The following TAFA1 variants were observed in gnomAD, a reference collection of about 807,000 sequenced individuals.
The protein encoded by TAFA1 is chemokine-like protein TAFA-1.
A neutral mutation model predicts 18.5 loss-of-function variants in TAFA1; 4 were observed. The ratio of observed to expected loss-of-function variants is 0.22; its 90% CI spans 0.11 to 0.49. TAFA1 has a LOEUF of 0.49. Ranked by LOEUF, TAFA1 falls within the 20% of genes least tolerant of loss-of-function variation. The pLI is 0.98. For missense variants in TAFA1, 147 were observed against 169.0 expected (o/e 0.87, Z 0.72); for synonymous variants, 56 against 55.2 (o/e 1.01, Z -0.06).
chr3:68,516,418 T>C (rs1472334673), intron 3 of TAFA1, among the ~76,000 whole-genome samples: 2 of 152,196 alleles, frequency 1.3e-5, no homozygotes, highest in Non-Finnish European at 1.5e-5. Flanking sequence ...AATGTTAGCC[T>C]TGGTTTGTAC....
intron 3 of TAFA1, among the ~76,000 whole-genome samples, chr3:68,447,380 C>T (rs2071487707): frequency 6.6e-6 from 1 of 152,164 alleles, no homozygotes; most frequent in Non-Finnish European, 1.5e-5. Context: ...GTTGGCTACT[C>T]CATTCTGTCC....
chr3:68,224,900 T>C (rs2066777867), intron 2 of TAFA1, among the ~76,000 whole-genome samples: 2 of 56,590 alleles, frequency 3.5e-5, no homozygotes, highest in African/African-American at 1.1e-4. Flanking sequence ...GTGGCACTTT[T>C]TTTTTTTTTT....
At chr3:68,346,434 A>C (rs953415414) in intron 2 of TAFA1, among the ~76,000 whole-genome samples, 3 of 152,284 alleles carry the variant, frequency 2.0e-5, no homozygotes, top group Admixed American at 2.0e-4. Flanking sequence ...CTGACATTAC[A>C]GGCAATCTTG....
intron 2 of TAFA1, among the ~76,000 whole-genome samples, chr3:68,223,341 G>A (rs1055491887): frequency 4.6e-5 from 7 of 152,104 alleles, no homozygotes; most frequent in African/African-American, 1.7e-4. Context: ...CACTTACTAT[G>A]TTTCAGATTC....
intron 2 of TAFA1, among the ~76,000 whole-genome samples, chr3:68,053,078 A>AC (rs1240457856): frequency 6.6e-6 from 1 of 152,132 alleles, no homozygotes; most frequent in African/African-American, 2.4e-5. Context: ...AAATCAGATT[A>AC]CCCCTGGAGT....
chr3:68,161,681 A>G (rs958466525), intron 2 of TAFA1, among the ~76,000 whole-genome samples: 4 of 152,240 alleles, frequency 2.6e-5, no homozygotes, highest in African/African-American at 4.8e-5. Flanking sequence ...CTAGACAAGC[A>G]TAGATCTTGA....
At chr3:68,268,929 T>C (rs2067603886) in intron 2 of TAFA1, among the ~76,000 whole-genome samples, 1 of 152,206 alleles carries the variant, frequency 6.6e-6, no homozygotes, top group South Asian at 2.1e-4. Flanking sequence ...CATTACATTC[T>C]GGCATGTAAG....
At chr3:68,150,190 T>C (rs2065788849) in intron 2 of TAFA1, among the ~76,000 whole-genome samples, 1 of 152,242 alleles carries the variant, frequency 6.6e-6, no homozygotes, top group Non-Finnish European at 1.5e-5. Flanking sequence ...TTACCAGTCA[T>C]GTAATTCATT....
chr3:68,437,771 G>A (rs1308334779), intron 3 of TAFA1, among the ~76,000 whole-genome samples: 1 of 151,962 alleles, frequency 6.6e-6, no homozygotes, highest in Non-Finnish European at 1.5e-5. Context: ...AGTTTTGGAG[G>A]GTACAAATTT....
At chr3:68,330,182 G>A (rs1031119608) in intron 2 of TAFA1, among the ~76,000 whole-genome samples, 5 of 152,174 alleles carry the variant, frequency 3.3e-5, no homozygotes, top group Admixed American at 1.3e-4. Context: ...AGGTTACGTC[G>A]TCATAGTTCT....
chr3:68,493,306 C>T (rs928143889), intron 3 of TAFA1, among the ~76,000 whole-genome samples: 6 of 152,058 alleles, frequency 3.9e-5, no homozygotes, highest in South Asian at 2.1e-4. Flanking sequence ...ATCTATGTTG[C>T]GGCATGGGTT....
At chr3:68,021,651 T>TACATAACTA (rs1704692489) in intron 2 of TAFA1, among the ~76,000 whole-genome samples, 1 of 152,168 alleles carries the variant, frequency 6.6e-6, no homozygotes. Context: ...TATTAAGAAT[T>TACATAACTA]ACATAACTAA....
intron 3 of TAFA1, among the ~76,000 whole-genome samples, chr3:68,500,941 A>G (rs1849234): frequency 0.2 from 30,675 of 151,586 alleles, 3,162 homozygotes; most frequent in Middle Eastern, 0.24. Context: ...TGAGGTGAGT[A>G]AATCACTTGA....
chr3:68,021,021 AC>A (rs1704676876), intron 2 of TAFA1, among the ~76,000 whole-genome samples: 1 of 151,816 alleles, frequency 6.6e-6, no homozygotes, highest in Non-Finnish European at 1.5e-5. Context: ...CCCCATCTCT[AC>A]TAAAAATACA....
At chr3:68,388,159 C>T (rs573481416) in intron 2 of TAFA1, among the ~76,000 whole-genome samples, 43 of 152,036 alleles carry the variant, frequency 2.8e-4, no homozygotes, top group South Asian at 1.0e-3. Context: ...GAAATCGTGG[C>T]GGCTGGAGAT....
intron 2 of TAFA1, among the ~76,000 whole-genome samples, chr3:68,222,833 C>T (rs1287418388): frequency 6.6e-6 from 1 of 151,962 alleles, no homozygotes; most frequent in Non-Finnish European, 1.5e-5. Flanking sequence ...CCACTATACC[C>T]AGTTAATTTT....
intron 2 of TAFA1, among the ~76,000 whole-genome samples, chr3:68,155,840 G>A (rs1352130281): frequency 2.0e-5 from 3 of 152,038 alleles, no homozygotes; most frequent in Non-Finnish European, 2.9e-5. Context: ...TAATTGCAGG[G>A]TGTCAAACTT....
At chr3:68,526,448 T>G (rs539777603) in intron 3 of TAFA1, among the ~76,000 whole-genome samples, 3 of 152,170 alleles carry the variant, frequency 2.0e-5, no homozygotes, top group Non-Finnish European at 4.4e-5. Context: ...AACACTAGTT[T>G]TGCAAATGAA....
chr3:68,466,431 T>C lies in TAFA1; in HGVS notation c.259+49011T>C, dbSNP rs189883479. Among the ~76,000 whole-genome samples the C allele has an allele frequency of 1.7e-3, 253 of 152,270 alleles. 1 individual carries two copies. The highest frequency in any genetic ancestry group is 3.9e-3 in the South Asian group (19 of 4,822). ...AGCCTGTCTTGACTGAAACAATACA[T>C]GTATTTTCTCTTAAATTATAGCAAT... On this transcript the variant is annotated intron_variant, in intron 3 of 4. Coordinates refer to ENST00000478136, the MANE Select transcript of TAFA1 (RefSeq NM_213609.4).
Sources: allele counts gnomAD v4.1 joint callset (sites outside exome capture counted in the v4.1 genomes callset), GRCh38; gene constraint gnomAD v4.1.1; transcripts MANE v1.5; gene names NCBI Gene and HGNC (gene_info 2026-07-23, HGNC 2026-07-21).